FER: variants seen among roughly 807,000 people sequenced by gnomAD.
FER encodes the protein FER tyrosine kinase.
Under a neutral mutation model 111.0 loss-of-function variants are expected in FER, and 63 were observed. The observed-to-expected ratio is 0.57, with a 90% CI of 0.46 to 0.70. The LOEUF is 0.70. Among genes scored for constraint, FER ranks in the 30% least tolerant of loss-of-function variants. The pLI is 0.00. For synonymous variants in FER, 327 were observed against 313.9 expected, an observed-to-expected ratio of 1.04 and a Z score of -0.44; for missense variants, 914 against 954.0, an observed-to-expected ratio of 0.96 and a Z score of 0.55.
At chr5:108,883,341 T>C (rs767459468) in intron 8 of FER, 55 bp from the exon 9 acceptor site, 2 of 1,489,298 alleles carry the variant, frequency 1.3e-6, no homozygotes, top group African/African-American at 1.4e-5. Flanking sequence ...TTTTTTGATA[T>C]GTATAAAGTG....
intron 17 of FER, among the ~76,000 whole-genome samples, chr5:109,107,241 A>G (rs1749048169): frequency 6.6e-6 from 1 of 152,202 alleles, no homozygotes; most frequent in African/African-American, 2.4e-5. Flanking sequence ...GATCTTTTAC[A>G]TTAAACAATT....
At chr5:108,860,506 A>T (rs1763412715) in intron 5 of FER, among the ~76,000 whole-genome samples, 1 of 152,192 alleles carries the variant, frequency 6.6e-6, no homozygotes, top group African/African-American at 2.4e-5. Flanking sequence ...ACTAGTACTG[A>T]CTTTTTAACA....
intron 17 of FER, among the ~76,000 whole-genome samples, chr5:109,103,180 C>G (rs1403740461): frequency 6.6e-6 from 1 of 151,972 alleles, no homozygotes; most frequent in Non-Finnish European, 1.5e-5. Flanking sequence ...AAAATAAATG[C>G]ATGTCTATGA....
intron 16 of FER, among the ~76,000 whole-genome samples, chr5:109,066,340 A>G (rs930416494): frequency 1.3e-5 from 2 of 152,180 alleles, no homozygotes; most frequent in Admixed American, 6.5e-5. Context: ...AGAGACTCAA[A>G]TATCTATTGT....
At chr5:109,008,844 C>T (rs186366384) in intron 13 of FER, among the ~76,000 whole-genome samples, 1 of 151,940 alleles carries the variant, frequency 6.6e-6, no homozygotes, top group Non-Finnish European at 1.5e-5. Flanking sequence ...GTGGCGCATG[C>T]CTGTAATCCC....
intron 5 of FER, among the ~76,000 whole-genome samples, chr5:108,852,626 C>T (rs1366352412): frequency 6.6e-6 from 1 of 152,142 alleles, no homozygotes; most frequent in East Asian, 1.9e-4. Flanking sequence ...AAGTAGAGTT[C>T]AAGCTACAGT....
At position 109,167,058 on chromosome 5, in the gene FER, A is replaced by G. The variant is rs547066897; in HGVS notation, c.2049-13689A>G. Among the ~76,000 whole-genome samples the G allele has an allele frequency of 1.1e-3, 169 of 152,304 alleles. 1 individual carries two copies. The highest frequency in any genetic ancestry group is 4.0e-3 in the African/African-American group (166 of 41,570). The stretch of plus-strand genomic sequence containing the variant: ...ATTACCTTCAAACTTGAAATTTTCA[A>G]TATTGCAATTTATGGGTTTGCATAA... On this transcript the variant is annotated intron_variant, in intron 17 of 19. Coordinates refer to ENST00000281092, the MANE Select transcript of FER (RefSeq NM_005246.4).
chr5:109,008,606 G>A (rs1037354174), intron 13 of FER, among the ~76,000 whole-genome samples: 2 of 151,964 alleles, frequency 1.3e-5, no homozygotes, highest in African/African-American at 4.8e-5. Flanking sequence ...GGCCTTTCAT[G>A]TATCATTTTC....
intron 9 of FER, among the ~76,000 whole-genome samples, chr5:108,893,396 CA>C (rs1259803344): frequency 3.3e-5 from 5 of 151,394 alleles, no homozygotes; most frequent in African/African-American, 1.2e-4. Flanking sequence ...TCCTAGATCT[CA>C]AAGGTTTTCT....
intron 16 of FER, among the ~76,000 whole-genome samples, chr5:109,094,240 A>G (rs1470373254): frequency 7.2e-5 from 11 of 152,048 alleles, no homozygotes; most frequent in African/African-American, 2.2e-4. Context: ...AAACAGAGTG[A>G]AAAGTAAAAT....
intron 5 of FER, among the ~76,000 whole-genome samples, chr5:108,851,026 C>T (rs1180975330): frequency 1.3e-5 from 2 of 152,110 alleles, no homozygotes; most frequent in African/African-American, 4.8e-5. Context: ...TGGAGTTTAT[C>T]ATCCTTCCTA....
chr5:109,141,462 C>T (rs191859070), intron 17 of FER, among the ~76,000 whole-genome samples: 1 of 152,254 alleles, frequency 6.6e-6, no homozygotes, highest in African/African-American at 2.4e-5. Flanking sequence ...ACCACAGAAG[C>T]TAGAAAAGTT....
chr5:108,905,158 T>C (rs1055834958), intron 10 of FER, among the ~76,000 whole-genome samples: 9 of 152,106 alleles, frequency 5.9e-5, no homozygotes, highest in African/African-American at 2.2e-4. Flanking sequence ...CCAGAAACAC[T>C]CTTTTTCATT....
At chr5:109,098,563 G>T (rs1015136524) in intron 16 of FER, among the ~76,000 whole-genome samples, 2 of 151,566 alleles carry the variant, frequency 1.3e-5, no homozygotes, top group African/African-American at 4.8e-5. Flanking sequence ...TCTAACAAAA[G>T]AATTAATATG....
intron 2 of FER, among the ~76,000 whole-genome samples, chr5:108,776,940 T>A (rs1753560118): frequency 1.3e-5 from 2 of 152,246 alleles, no homozygotes; most frequent in Non-Finnish European, 2.9e-5. Flanking sequence ...TACACTTTTG[T>A]GTAATATTCT....
intron 17 of FER, among the ~76,000 whole-genome samples, chr5:109,157,242 C>T (rs1287882065): frequency 6.6e-6 from 1 of 152,140 alleles, no homozygotes; most frequent in Admixed American, 6.6e-5. Context: ...TTATTACCTT[C>T]TGAGAGACAC....
chr5:108,917,391 A>T (rs1332025474), intron 10 of FER, among the ~76,000 whole-genome samples: 1 of 152,218 alleles, frequency 6.6e-6, no homozygotes, highest in Non-Finnish European at 1.5e-5. Context: ...ACAAGCATGG[A>T]CTAGTCACAC....
chr5:109,043,313 G>T (rs1771448072), intron 14 of FER, among the ~76,000 whole-genome samples: 1 of 152,058 alleles, frequency 6.6e-6, no homozygotes. Flanking sequence ...TCTGACAATT[G>T]TGGGTAAAAG....
intron 3 of FER, among the ~76,000 whole-genome samples, chr5:108,824,075 T>G (rs902874170): frequency 1.3e-5 from 2 of 152,244 alleles, no homozygotes; most frequent in African/African-American, 4.8e-5. Context: ...TTGTCAAAGA[T>G]GAGTTGATTG....
Sources: gnomAD v4.1 joint callset for allele counts (sites outside exome capture counted in the v4.1 genomes callset) on GRCh38, gnomAD v4.1.1 for gene constraint, MANE v1.5 for transcripts, NCBI Gene and HGNC (gene_info 2026-07-23, HGNC 2026-07-21) for gene names.